The following CDH12 variants were observed in gnomAD, a reference collection of about 807,000 sequenced individuals.
The protein encoded by CDH12 is cadherin-12.
CDH12 carries 41 observed loss-of-function variants against 74.1 expected under a neutral mutation model. That is an observed-to-expected ratio of 0.55 (90% confidence interval 0.43 to 0.72). CDH12 has a LOEUF of 0.72. Ranked by LOEUF, CDH12 falls within the 30% of genes least tolerant of loss-of-function variation. The probability of loss-of-function intolerance (pLI) is 0.00; values close to 1 mark genes in which losing one functional copy is unlikely to be tolerated. For missense variants in CDH12, 945 were observed against 977.2 expected, an observed-to-expected ratio of 0.97 and a Z score of 0.44; for synonymous variants, 399 against 355.0, an observed-to-expected ratio of 1.12 and a Z score of -1.39.
chr5:22,752,802 C>T (rs368006418), intron 1 of CDH12, among the ~76,000 whole-genome samples: 1 of 151,394 alleles, frequency 6.6e-6, no homozygotes, highest in African/African-American at 2.4e-5. Context: ...TCTCGATCTC[C>T]TGACCTCGTG....
chr5:22,746,988 A>G (rs1280201365), intron 1 of CDH12, among the ~76,000 whole-genome samples: 3 of 152,196 alleles, frequency 2.0e-5, no homozygotes, highest in Non-Finnish European at 4.4e-5. Flanking sequence ...GAGAATGGTA[A>G]AAGTATAATG....
chr5:21,773,947 G>A (rs1424446052), intron 11 of CDH12, among the ~76,000 whole-genome samples: 3 of 152,096 alleles, frequency 2.0e-5, no homozygotes, highest in Admixed American at 2.0e-4. Flanking sequence ...ACTGTACTAT[G>A]TTAGGCATAA....
At chr5:21,988,025 A>C (rs1321992833) in intron 5 of CDH12, among the ~76,000 whole-genome samples, 1 of 152,088 alleles carries the variant, frequency 6.6e-6, no homozygotes, top group Non-Finnish European at 1.5e-5. Flanking sequence ...TAGATCCAAA[A>C]TTGATATCTG....
intron 3 of CDH12, among the ~76,000 whole-genome samples, chr5:22,389,408 T>C (rs1742135072): frequency 6.6e-6 from 1 of 152,204 alleles, no homozygotes. Context: ...TATACACATA[T>C]AGTCCCTAAG....
At chr5:22,060,315 T>C (rs1741102176) in intron 5 of CDH12, among the ~76,000 whole-genome samples, 2 of 150,044 alleles carry the variant, frequency 1.3e-5, no homozygotes, top group Non-Finnish European at 3.0e-5. Flanking sequence ...CTGGGGCCTG[T>C]TGGGGGTTGG....
intron 1 of CDH12, among the ~76,000 whole-genome samples, chr5:22,596,505 A>C (rs926284178): frequency 6.6e-6 from 1 of 152,166 alleles, no homozygotes; most frequent in African/African-American, 2.4e-5. Context: ...AAAATCTGAA[A>C]GTTAGGATGT....
chr5:22,656,921 T>C (rs1188748749), intron 1 of CDH12, among the ~76,000 whole-genome samples: 1 of 152,024 alleles, frequency 6.6e-6, no homozygotes, highest in Non-Finnish European at 1.5e-5. Flanking sequence ...AGTGCAGCCT[T>C]GACCTCCTGG....
At chr5:22,114,237 G>C (rs920271621) in intron 4 of CDH12, among the ~76,000 whole-genome samples, 3 of 152,098 alleles carry the variant, frequency 2.0e-5, no homozygotes, top group African/African-American at 7.2e-5. Flanking sequence ...AATAGATTTT[G>C]TTTTCTTGGT....
intron 2 of CDH12, among the ~76,000 whole-genome samples, chr5:22,426,393 A>T (rs1207197539): frequency 3.3e-5 from 5 of 151,970 alleles, no homozygotes; most frequent in Non-Finnish European, 5.9e-5. Context: ...TAAACTACAC[A>T]TAAATATAAT....
intron 5 of CDH12, among the ~76,000 whole-genome samples, chr5:22,026,980 A>G (rs1738404521): frequency 6.6e-6 from 1 of 152,144 alleles, no homozygotes; most frequent in Non-Finnish European, 1.5e-5. Context: ...TTATTTTAAG[A>G]TATGTCCCAT....
chr5:22,163,322 T>C (rs1206607180), intron 4 of CDH12, among the ~76,000 whole-genome samples: 1 of 152,206 alleles, frequency 6.6e-6, no homozygotes, highest in African/African-American at 2.4e-5. Context: ...AATACATATT[T>C]CCAGCCCAGA....
intron 2 of CDH12, among the ~76,000 whole-genome samples, chr5:22,482,620 T>A (rs1335502653): frequency 1.3e-5 from 2 of 152,084 alleles, no homozygotes; most frequent in Admixed American, 6.6e-5. Context: ...TTTAGAAAAA[T>A]TTTTAGCATA....
chr5:22,139,284 T>C (rs1272639892), intron 4 of CDH12: 1 of 148,920 alleles, frequency 6.7e-6, no homozygotes, highest in Admixed American at 6.8e-5. Context: ...AAGAAAGCCA[T>C]TGCTCCATTG....
intron 6 of CDH12, among the ~76,000 whole-genome samples, chr5:21,924,129 T>C (rs1042860097): frequency 2.0e-5 from 3 of 152,108 alleles, no homozygotes; most frequent in Non-Finnish European, 2.9e-5. Flanking sequence ...ATAGAAAAAC[T>C]AAAAGTAGTT....
At chr5:21,894,573 T>G (rs151195116) in intron 6 of CDH12, among the ~76,000 whole-genome samples, 5 of 152,196 alleles carry the variant, frequency 3.3e-5, no homozygotes, top group African/African-American at 1.2e-4. Flanking sequence ...AACACATACA[T>G]GTACACAAAT....
At chr5:22,792,715 G>C (rs1238980099) in intron 1 of CDH12, among the ~76,000 whole-genome samples, 1 of 152,150 alleles carries the variant, frequency 6.6e-6, no homozygotes, top group Non-Finnish European at 1.5e-5. Flanking sequence ...GTTCATTTCT[G>C]TTGGGTTGAT....
intron 1 of CDH12, chr5:22,580,592 G>T: frequency 2.1e-6 from 1 of 473,626 alleles, no homozygotes; most frequent in South Asian, 1.7e-5. Flanking sequence ...TAAACTTTTG[G>T]ATTTTTTTAA....
At chr5:22,330,321 G>T (rs1234896700) in intron 3 of CDH12, among the ~76,000 whole-genome samples, 1 of 152,148 alleles carries the variant, frequency 6.6e-6, no homozygotes, top group Non-Finnish European at 1.5e-5. Flanking sequence ...GCTGACTAAA[G>T]AACCCTTGGG....
intron 2 of CDH12, among the ~76,000 whole-genome samples, chr5:22,483,320 T>C (rs1403125762): frequency 6.6e-6 from 1 of 152,134 alleles, no homozygotes; most frequent in Non-Finnish European, 1.5e-5. Flanking sequence ...CATTGAAAAC[T>C]ACAATATATA....
Sources: allele counts gnomAD v4.1 joint callset (sites outside exome capture counted in the v4.1 genomes callset), GRCh38; gene constraint gnomAD v4.1.1; transcripts MANE v1.5; gene names NCBI Gene and HGNC (gene_info 2026-07-23, HGNC 2026-07-21).